ADARB2: variants seen among roughly 807,000 people sequenced by gnomAD.
The protein encoded by ADARB2 is inactive double-stranded RNA-specific editase B2.
A neutral mutation model predicts 62.2 loss-of-function variants in ADARB2; 25 were observed. That is an observed-to-expected ratio of 0.40 (90% CI 0.29 to 0.56). The LOEUF (loss-of-function observed/expected upper bound fraction) is 0.56. ADARB2 is among the 20% of genes least tolerant of loss of function. ADARB2 has a pLI of 0.43. For synonymous variants in ADARB2, 572 were observed against 500.8 expected, an observed-to-expected ratio of 1.14 and a Z score of -1.90; for missense variants, 1,071 against 1,077.4, an observed-to-expected ratio of 0.99 and a Z score of 0.08.
chr10:1,640,707 A>G (rs890523531), intron 1 of ADARB2, among the ~76,000 whole-genome samples: 1 of 152,206 alleles, frequency 6.6e-6, no homozygotes, highest in African/African-American at 2.4e-5. Flanking sequence ...TACACTATAA[A>G]TATTTTTATG....
chr10:1,289,514 C>T (rs908416279), intron 3 of ADARB2, among the ~76,000 whole-genome samples: 12 of 152,244 alleles, frequency 7.9e-5, no homozygotes, highest in South Asian at 2.1e-4. Flanking sequence ...CCCACGGCAC[C>T]GTCAGGAAGC....
At chr10:1,417,837 A>G (rs1329759574) in intron 1 of ADARB2, among the ~76,000 whole-genome samples, 1 of 152,252 alleles carries the variant, frequency 6.6e-6, no homozygotes, top group Non-Finnish European at 1.5e-5. Context: ...GGCAAGTGGC[A>G]GCCATGTGCG....
chr10:1,188,995 A>G (rs1836801755), intron 8 of ADARB2, among the ~76,000 whole-genome samples: 2 of 150,668 alleles, frequency 1.3e-5, no homozygotes, highest in South Asian at 2.1e-4. Flanking sequence ...CCCAGGCTCC[A>G]GGAGGGCCAT....
chr10:1,409,412 A>T (rs1757871683), intron 1 of ADARB2, among the ~76,000 whole-genome samples: 2 of 152,068 alleles, frequency 1.3e-5, no homozygotes, highest in Admixed American at 1.3e-4. Context: ...TGGCTTGGCC[A>T]TCGCTGTGGC....
intron 1 of ADARB2, among the ~76,000 whole-genome samples, chr10:1,506,328 G>C (rs899132303): frequency 1.3e-5 from 2 of 152,012 alleles, no homozygotes; most frequent in African/African-American, 4.8e-5. Context: ...ATTATTTATG[G>C]GGGGGAAATG....
intron 1 of ADARB2, among the ~76,000 whole-genome samples, chr10:1,711,011 A>G (rs1042012134): frequency 5.3e-5 from 8 of 151,954 alleles, no homozygotes; most frequent in African/African-American, 1.9e-4. Flanking sequence ...AGTTCTTGCA[A>G]ACTCTCAGGG....
chr10:1,492,412 C>G (rs1052874606), intron 1 of ADARB2, among the ~76,000 whole-genome samples: 4 of 152,014 alleles, frequency 2.6e-5, no homozygotes, highest in African/African-American at 7.2e-5. Flanking sequence ...CAAAGAGAGT[C>G]GTGAGGGAAC....
intron 1 of ADARB2, among the ~76,000 whole-genome samples, chr10:1,729,052 T>C (rs1029936073): frequency 3.3e-5 from 5 of 152,242 alleles, no homozygotes; most frequent in African/African-American, 9.6e-5. Context: ...AAATTTCTCC[T>C]TGAGCCATGT....
chr10:1,400,640 C>T (rs1258968253), intron 1 of ADARB2, among the ~76,000 whole-genome samples: 1 of 152,214 alleles, frequency 6.6e-6, no homozygotes, highest in Non-Finnish European at 1.5e-5. Flanking sequence ...CTACTGCCAG[C>T]CCGTGCTCCT....
chr10:1,717,123 G>A (rs373865753), intron 1 of ADARB2, among the ~76,000 whole-genome samples: 42 of 147,132 alleles, frequency 2.9e-4, no homozygotes, highest in South Asian at 2.6e-3. Flanking sequence ...GATGGGAAGC[G>A]GCTCCTCTGT....
At chr10:1,568,690 C>T (rs1443602851) in intron 1 of ADARB2, among the ~76,000 whole-genome samples, 1 of 152,058 alleles carries the variant, frequency 6.6e-6, no homozygotes, top group Non-Finnish European at 1.5e-5. Context: ...AGTTTGGAGA[C>T]CAGGCCCTTG....
At chr10:1,269,825 GGGATGAGCTTGGT>G (rs142659345) in intron 4 of ADARB2, among the ~76,000 whole-genome samples, 38,238 of 152,124 alleles carry the variant, frequency 0.25, 5,985 homozygotes, top group South Asian at 0.5. Context: ...ACCTCCAGCA[GGGATGAGCTTGGT>G]GGAGGTGAAC....
At chr10:1,547,974 CG>C (rs1202546864) in intron 1 of ADARB2, among the ~76,000 whole-genome samples, 1 of 152,000 alleles carries the variant, frequency 6.6e-6, no homozygotes, top group Non-Finnish European at 1.5e-5. Context: ...ATTCAGGACA[CG>C]TGGTACTTGC....
chr10:1,319,553 T>G (rs960388554), intron 3 of ADARB2, among the ~76,000 whole-genome samples: 1 of 152,214 alleles, frequency 6.6e-6, no homozygotes, highest in Non-Finnish European at 1.5e-5. Flanking sequence ...AACAAAATGA[T>G]TATAATCACA....
chr10:1,281,851 G>A (rs1380873705), intron 3 of ADARB2, among the ~76,000 whole-genome samples: 1 of 152,164 alleles, frequency 6.6e-6, no homozygotes, highest in African/African-American at 2.4e-5. Flanking sequence ...AGGGGCGCTT[G>A]ACATTTATAT....
intron 1 of ADARB2, among the ~76,000 whole-genome samples, chr10:1,529,782 A>G (rs934352542): frequency 6.6e-6 from 1 of 152,218 alleles, no homozygotes; most frequent in Non-Finnish European, 1.5e-5. Context: ...TGTAGAGGGC[A>G]GAGTTCAGGG....
At chr10:1,246,246 C>G (rs1830985591) in intron 4 of ADARB2, among the ~76,000 whole-genome samples, 1 of 151,598 alleles carries the variant, frequency 6.6e-6, no homozygotes, top group Non-Finnish European at 1.5e-5. Flanking sequence ...AGCCCTTTGT[C>G]AGATGAGTAG....
At chr10:1,220,341 TG>T in intron 6 of ADARB2, among the ~76,000 whole-genome samples, 1 of 116,220 alleles carries the variant, frequency 8.6e-6, no homozygotes, top group South Asian at 2.7e-4. Flanking sequence ...TGATGGATGA[TG>T]GTGATTGTGG....
At chr10:1,324,820 A>G (rs926896497) in intron 3 of ADARB2, among the ~76,000 whole-genome samples, 3 of 152,122 alleles carry the variant, frequency 2.0e-5, no homozygotes, top group Non-Finnish European at 2.9e-5. Context: ...TGGGCACACA[A>G]CCTACACCTG....
Sources: allele counts gnomAD v4.1 joint callset (sites outside exome capture counted in the v4.1 genomes callset), GRCh38; gene constraint gnomAD v4.1.1; transcripts MANE v1.5; gene names NCBI Gene and HGNC (gene_info 2026-07-23, HGNC 2026-07-21).